ST7: variants seen among roughly 807,000 people sequenced by gnomAD.
The protein encoded by ST7 is suppression of tumorigenicity 7.
Under a neutral mutation model 78.7 loss-of-function variants are expected in ST7, and 28 were observed. That is an observed-to-expected ratio of 0.36 (90% CI 0.26 to 0.49). The LOEUF is 0.49. Among genes scored for constraint, ST7 ranks in the 20% least tolerant of loss-of-function variants. ST7 has a pLI of 0.99. For missense variants in ST7, 418 were observed against 696.0 expected (o/e 0.60, Z 4.49); for synonymous variants, 247 against 249.6 (o/e 0.99, Z 0.10).
At chr7:116,962,328 A>G (rs1792877060) in intron 1 of ST7, among the ~76,000 whole-genome samples, 1 of 152,042 alleles carries the variant, frequency 6.6e-6, no homozygotes, top group South Asian at 2.1e-4. Context: ...GTTAAATGGT[A>G]TTATTTCTAG....
intron 15 of ST7, among the ~76,000 whole-genome samples, chr7:117,227,816 G>A (rs1584649645): frequency 6.6e-6 from 1 of 152,116 alleles, no homozygotes; most frequent in Admixed American, 6.5e-5. Context: ...GGGTGGTTTT[G>A]TGCACTCAAC....
chr7:117,031,877 T>G (rs1299803808), intron 1 of ST7, among the ~76,000 whole-genome samples: 1 of 141,776 alleles, frequency 7.1e-6, no homozygotes, highest in Non-Finnish European at 1.5e-5. Flanking sequence ...TATCTATATA[T>G]ATATATTTTT....
At chr7:117,096,631 T>C (rs2116752820) in intron 1 of ST7, among the ~76,000 whole-genome samples, 2 of 152,340 alleles carry the variant, frequency 1.3e-5, no homozygotes, top group African/African-American at 4.8e-5. Context: ...ACAAGGCGAA[T>C]AATATTGATC....
intron 1 of ST7, among the ~76,000 whole-genome samples, chr7:116,962,228 A>T (rs1464842453): frequency 6.6e-6 from 1 of 152,094 alleles, no homozygotes; most frequent in African/African-American, 2.4e-5. Context: ...GCTATTGTAC[A>T]TGGTGCTGCA....
chr7:117,227,283 A>G (rs994623586), intron 15 of ST7, among the ~76,000 whole-genome samples: 10 of 152,168 alleles, frequency 6.6e-5, no homozygotes, highest in African/African-American at 2.2e-4. Context: ...CATGGCTGCA[A>G]TGGCTCAATA....
Position 117,158,721 on chromosome 7 carries a change from G to A in ST7, c.964-12141G>A, listed in dbSNP as rs574352691. On this transcript the variant is annotated intron_variant, in intron 9 of 15. Coordinates refer to ENST00000323984, the MANE Select transcript of ST7 (RefSeq NM_001369598.1). ...ACTGATCTGTATAAATGGAACTCTC[G>A]TGGGCCTCTGAGGACTCTGGTAAAC... Among the ~76,000 whole-genome samples, 7 of 152,248 alleles carry A rather than the reference G, an allele frequency of 4.6e-5. No individual in the cohort carries two copies. In the South Asian group the frequency reaches 1.2e-3, roughly 27 times the overall value.
chr7:117,021,159 G>A (rs1320734276), intron 1 of ST7, among the ~76,000 whole-genome samples: 5 of 151,804 alleles, frequency 3.3e-5, no homozygotes, highest in African/African-American at 4.8e-5. Context: ...TCCCACAGTG[G>A]CTTCAATTTT....
chr7:117,119,363 G>A (rs1803175092), intron 2 of ST7, among the ~76,000 whole-genome samples, 198 bp from the exon 3 acceptor site: 2 of 152,050 alleles, frequency 1.3e-5, no homozygotes, highest in Middle Eastern at 3.2e-3. Context: ...TTTGAAACCA[G>A]TATTAAGCAG....
chr7:117,216,709 G>T (rs912969371), intron 13 of ST7, among the ~76,000 whole-genome samples: 2 of 152,118 alleles, frequency 1.3e-5, no homozygotes, highest in African/African-American at 4.8e-5. Flanking sequence ...GGTGGGTAAA[G>T]GATAGAATTG....
chr7:116,989,839 CA>C (rs955157624), intron 1 of ST7, among the ~76,000 whole-genome samples: 14 of 151,408 alleles, frequency 9.2e-5, no homozygotes, highest in African/African-American at 2.9e-4. Flanking sequence ...ACCCTCTCTC[CA>C]AAAAAAAATT....
At chr7:117,158,300 C>T (rs555033570) in intron 9 of ST7, among the ~76,000 whole-genome samples, 1 of 152,278 alleles carries the variant, frequency 6.6e-6, no homozygotes, top group South Asian at 2.1e-4. Flanking sequence ...TTTTGTTGGG[C>T]TGTGCATAAA....
At chr7:117,175,772 T>C (rs575795006) in intron 10 of ST7, among the ~76,000 whole-genome samples, 48 of 152,324 alleles carry the variant, frequency 3.2e-4, no homozygotes, top group African/African-American at 1.1e-3. Flanking sequence ...GGACACACAG[T>C]AAGAGTTCAG....
chr7:117,159,905 A>G (rs1306995654), intron 9 of ST7, among the ~76,000 whole-genome samples: 1 of 151,564 alleles, frequency 6.6e-6, no homozygotes, highest in East Asian at 1.9e-4. Flanking sequence ...AAAAAACAAA[A>G]CAAACAAAAA....
At chr7:117,151,998 A>G (rs771579864) in intron 9 of ST7, among the ~76,000 whole-genome samples, 1 of 151,578 alleles carries the variant, frequency 6.6e-6, no homozygotes, top group Non-Finnish European at 1.5e-5. Flanking sequence ...ACATGCCTGT[A>G]GTTCCAGCTA....
At chr7:117,060,409 A>T (rs549221405) in intron 1 of ST7, among the ~76,000 whole-genome samples, 18 of 152,210 alleles carry the variant, frequency 1.2e-4, no homozygotes, top group Non-Finnish European at 2.6e-4. Context: ...TTCAGTGTTC[A>T]TTGAAGAGGA....
rs568496125 is a variant in ST7, at chr7:116,961,981, T to A, written c.151+8290T>A. 7.3e-4 allele frequency among the ~76,000 whole-genome samples: 108 copies of A among 148,510 alleles called. 1 individual carries two copies. The highest frequency in any genetic ancestry group is 2.2e-4 in the Non-Finnish European group (15 of 67,024). On this transcript the variant is annotated intron_variant, in intron 1 of 15. Coordinates refer to ENST00000323984, the MANE Select transcript of ST7 (RefSeq NM_001369598.1). ...CCCTGGTGTGTGGTGTTCCTCTCCCTGTGTCCATGTGTTCTCATTGTTCAA... is the reference window on the plus strand; with the variant it reads ...CCCTGGTGTGTGGTGTTCCTCTCCCAGTGTCCATGTGTTCTCATTGTTCAA...
chr7:117,060,432 G>A (rs913086748), intron 1 of ST7, among the ~76,000 whole-genome samples: 1 of 152,146 alleles, frequency 6.6e-6, no homozygotes, highest in Non-Finnish European at 1.5e-5. Context: ...TGGTATGTAA[G>A]TGATGCTACA....
intron 3 of ST7, chr7:117,128,298 A>G (rs1804031886): frequency 6.6e-6 from 1 of 151,902 alleles, no homozygotes; most frequent in Admixed American, 6.6e-5. Flanking sequence ...TGAGCTCACC[A>G]GTGTGTTTCA....
At position 117,226,718 on chromosome 7, in the gene ST7, G is replaced by A. The variant is rs182888248; in HGVS notation, c.1639-3044G>A. On this transcript the variant is annotated intron_variant, in intron 15 of 15. Transcript: ENST00000323984. Reference sequence around the variant, plus strand: ...CTTCCTTGCAGGTATGGGATGGAAGGCTTGCTGTGGGGGAAGGTGGCTTAG... The same window carrying A: ...CTTCCTTGCAGGTATGGGATGGAAGACTTGCTGTGGGGGAAGGTGGCTTAG... 1.9e-3 allele frequency among the ~76,000 whole-genome samples: 296 copies of A among 152,306 alleles called. 2 individuals carry two copies. Among genetic ancestry groups the A allele is most frequent in the Non-Finnish European group, 3.3e-3 (223 of 68,034 alleles).
Sources: gnomAD v4.1 joint callset for allele counts (sites outside exome capture counted in the v4.1 genomes callset) on GRCh38, gnomAD v4.1.1 for gene constraint, MANE v1.5 for transcripts, NCBI Gene and HGNC (gene_info 2026-07-23, HGNC 2026-07-21) for gene names.